Variants in DAB1 observed in about 807,000 individuals in gnomAD.
DAB1 encodes the protein disabled homolog 1.
A neutral mutation model predicts 64.6 loss-of-function variants in DAB1; 15 were observed. The ratio of observed to expected loss-of-function variants is 0.23; its 90% CI spans 0.16 to 0.36. DAB1 has a LOEUF of 0.36. Among genes scored for constraint, DAB1 ranks in the 10% least tolerant of loss-of-function variants. The pLI is 1.00. For synonymous variants in DAB1, 235 were observed against 251.9 expected, an observed-to-expected ratio of 0.93 and a Z score of 0.64; for missense variants, 596 against 706.7, an observed-to-expected ratio of 0.84 and a Z score of 1.78.
intron 1 of DAB1, chr1:57,876,304 A>G (rs1644044870): frequency 6.6e-6 from 1 of 152,228 alleles, no homozygotes; most frequent in South Asian, 2.1e-4. Flanking sequence ...TAGCCATATA[A>G]ATAACGATGT....
intron 2 of DAB1, among the ~76,000 whole-genome samples, chr1:57,263,358 GATC>G (rs1558048616): frequency 1.8e-4 from 27 of 152,072 alleles, no homozygotes; most frequent in African/African-American, 6.3e-4. Flanking sequence ...GACCTCAGGT[GATC>G]TGCCCACTTT....
At chr1:57,843,253 T>C (rs1653132404) in intron 1 of DAB1, among the ~76,000 whole-genome samples, 1 of 152,176 alleles carries the variant, frequency 6.6e-6, no homozygotes, top group African/African-American at 2.4e-5. Context: ...GGTTTTTTCT[T>C]TTGTCTACCC....
At chr1:58,057,283 C>A (rs185479828) in intron 5 of DAB1, among the ~76,000 whole-genome samples, 4 of 152,240 alleles carry the variant, frequency 2.6e-5, no homozygotes, top group African/African-American at 9.6e-5. Flanking sequence ...CCCTTGGCCA[C>A]CCCCATTGTA....
At chr1:57,232,169 AT>A (rs1667725414) in intron 2 of DAB1, among the ~76,000 whole-genome samples, 1 of 151,802 alleles carries the variant, frequency 6.6e-6, no homozygotes, top group Non-Finnish European at 1.5e-5. Context: ...TTAGGTTTTT[AT>A]ATGACATGCA....
At chr1:57,183,020 T>C (rs982565762) in intron 2 of DAB1, among the ~76,000 whole-genome samples, 4 of 152,194 alleles carry the variant, frequency 2.6e-5, no homozygotes, top group Non-Finnish European at 5.9e-5. Context: ...CACTGATACA[T>C]AGAAGTTCTG....
At chr1:58,222,439 A>G (rs1198241834) in intron 4 of DAB1, among the ~76,000 whole-genome samples, 4 of 152,182 alleles carry the variant, frequency 2.6e-5, no homozygotes, top group Admixed American at 2.0e-4. Flanking sequence ...CTAACAATCC[A>G]TCCCTTTCTA....
rs1438650012 is a variant in DAB1, at chr1:57,096,578, C to T, written c.307-24164G>A. Among the ~76,000 whole-genome samples the T allele has an allele frequency of 2.6e-5, 4 of 152,158 alleles. No homozygotes were observed. The East Asian group carries it at 7.7e-4, about 29-fold the overall frequency. On this transcript the variant is annotated intron_variant, in intron 4 of 14. Transcript: ENST00000371236. ...ATGGCTCCTCAGGGTCTTGAACTCA[C>T]TGGGCCCTGGCAAACTCAGCTCATA...
chr1:57,686,315 C>T (rs1248259779), intron 6 of DAB1, among the ~76,000 whole-genome samples: 1 of 152,138 alleles, frequency 6.6e-6, no homozygotes, highest in Non-Finnish European at 1.5e-5. Flanking sequence ...GGATAAATTC[C>T]TAGAAACACA....
At chr1:57,832,776 T>A (rs1652646581) in intron 1 of DAB1, among the ~76,000 whole-genome samples, 1 of 152,212 alleles carries the variant, frequency 6.6e-6, no homozygotes, top group Non-Finnish European at 1.5e-5. Flanking sequence ...AGTCTTTGGT[T>A]ATTCAAAGGA....
chr1:58,239,400 G>C (rs1383611023), intron 4 of DAB1, among the ~76,000 whole-genome samples: 1 of 152,170 alleles, frequency 6.6e-6, no homozygotes, highest in African/African-American at 2.4e-5. Context: ...GAAAGGACAT[G>C]TTTAAATTTC....
At chr1:57,379,734 TG>T (rs1681204339) in intron 1 of DAB1, among the ~76,000 whole-genome samples, 1 of 152,204 alleles carries the variant, frequency 6.6e-6, no homozygotes, top group African/African-American at 2.4e-5. Flanking sequence ...TATTACACAC[TG>T]GATACGGTGT....
intron 4 of DAB1, among the ~76,000 whole-genome samples, chr1:58,304,844 A>C (rs184888177): frequency 6.6e-6 from 1 of 152,136 alleles, no homozygotes; most frequent in Non-Finnish European, 1.5e-5. Context: ...AACGATGATC[A>C]TTTCTGTATT....
rs923441047 is a variant in DAB1 at position 58,268,976 on chromosome 1, AT to A, written n.309+74375del. 7.6e-4 allele frequency among the ~76,000 whole-genome samples: 113 copies of A among 149,560 alleles called. 1 individual carries two copies. Among genetic ancestry groups the A allele is most frequent in the African/African-American group, 2.4e-3 (96 of 40,586 alleles). On this transcript the variant is annotated intron_variant and non_coding_transcript_variant, in intron 4 of 20. Coordinates refer to the DAB1 transcript ENST00000485760. ...AAACCTTCACATATACATTCAAATG[AT>A]TTTTTTTTCCTTGGTCCTCTTGTTT...
At chr1:57,067,098 A>G (rs1650988837) in intron 8 of DAB1, among the ~76,000 whole-genome samples, 2 of 152,168 alleles carry the variant, frequency 1.3e-5, no homozygotes, top group Non-Finnish European at 1.5e-5. Context: ...TATTAAGTAA[A>G]TTGAGCCCCA....
chr1:57,072,955 T>A (rs2100600615), intron 4 of DAB1, among the ~76,000 whole-genome samples: 1 of 152,242 alleles, frequency 6.6e-6, no homozygotes, highest in Middle Eastern at 3.4e-3. Context: ...CCACTGGGGG[T>A]AGAGGCGGGG....
At chr1:57,912,893 G>A (rs985610258) in intron 5 of DAB1, among the ~76,000 whole-genome samples, 2 of 152,174 alleles carry the variant, frequency 1.3e-5, no homozygotes, top group Non-Finnish European at 2.9e-5. Flanking sequence ...CAAGGGATGT[G>A]AAGGACCTCT....
intron 2 of DAB1, among the ~76,000 whole-genome samples, chr1:57,252,111 G>A (rs953894531): frequency 6.6e-6 from 1 of 152,244 alleles, no homozygotes; most frequent in Non-Finnish European, 1.5e-5. Flanking sequence ...ACTTAAAAGA[G>A]TAGATTTAAG....
At chr1:57,553,475 A>AGGAG (rs1644947981) in intron 7 of DAB1, among the ~76,000 whole-genome samples, 1 of 70,338 alleles carries the variant, frequency 1.4e-5, no homozygotes, top group Admixed American at 1.9e-4. Flanking sequence ...AGGGAAAGAA[A>AGGAG]GGAAGGAAGG....
chr1:57,985,030 C>T (rs1646179256), intron 5 of DAB1, among the ~76,000 whole-genome samples: 2 of 152,050 alleles, frequency 1.3e-5, no homozygotes, highest in Non-Finnish European at 2.9e-5. Context: ...TGCCTCACCT[C>T]TCAAGTAGCT....
Sources: allele counts gnomAD v4.1 joint callset (sites outside exome capture counted in the v4.1 genomes callset), GRCh38; gene constraint gnomAD v4.1.1; transcripts MANE v1.5; gene names NCBI Gene and HGNC (gene_info 2026-07-23, HGNC 2026-07-21).